DPP6: variants seen among roughly 807,000 people sequenced by gnomAD.
The protein encoded by DPP6 is dipeptidyl peptidase like 6.
In DPP6, 69 loss-of-function variants were observed where a neutral mutation model predicts 122.6. That is an observed-to-expected ratio of 0.56 (90% CI 0.46 to 0.69). DPP6 has a LOEUF of 0.69. Ranked by LOEUF, DPP6 falls within the 30% of genes least tolerant of loss-of-function variation. The probability of loss-of-function intolerance (pLI) is 0.00; values close to 1 mark genes in which losing one functional copy is unlikely to be tolerated. For missense variants in DPP6, 928 were observed against 1,116.9 expected (o/e 0.83, Z 2.41); for synonymous variants, 418 against 433.1 (o/e 0.97, Z 0.43).
chr7:154,831,985 T>C (rs1272251495), intron 16 of DPP6, among the ~76,000 whole-genome samples: 4 of 152,204 alleles, frequency 2.6e-5, no homozygotes, highest in Non-Finnish European at 4.4e-5. Context: ...AAATAATGTA[T>C]TATGAGACTT....
At chr7:154,239,416 C>G (rs1009465258) in intron 1 of DPP6, among the ~76,000 whole-genome samples, 1 of 152,264 alleles carries the variant, frequency 6.6e-6, no homozygotes. Flanking sequence ...TCTTCCTCCT[C>G]CTCATCCTAC....
chr7:154,223,404 G>A (rs1800416821), intron 1 of DPP6, among the ~76,000 whole-genome samples: 1 of 149,308 alleles, frequency 6.7e-6, no homozygotes. Context: ...ATGATACCCA[G>A]TCAGAGAGAG....
intron 1 of DPP6, among the ~76,000 whole-genome samples, chr7:154,260,758 A>C (rs1431412002): frequency 6.8e-6 from 1 of 148,068 alleles, no homozygotes. Flanking sequence ...TATATTATAT[A>C]TATTCTTGCA....
intron 1 of DPP6, among the ~76,000 whole-genome samples, chr7:153,962,570 C>T (rs529333495): frequency 3.9e-4 from 60 of 152,250 alleles, no homozygotes; most frequent in East Asian, 1.9e-4. Flanking sequence ...CAGCCCCTTA[C>T]GTGAGCTGGG....
At chr7:154,873,996 GCA>G (rs1293848941) in intron 19 of DPP6, among the ~76,000 whole-genome samples, 1 of 148,188 alleles carries the variant, frequency 6.7e-6, no homozygotes, top group East Asian at 2.1e-4. Context: ...ATACCCACAT[GCA>G]CACATACACA....
At chr7:154,810,911 T>C (rs28455101) in intron 16 of DPP6, among the ~76,000 whole-genome samples, 2,095 of 152,334 alleles carry the variant, frequency 0.014, 44 homozygotes, top group African/African-American at 0.048. Context: ...AATTTGAAGA[T>C]AGGAATAGAT....
intron 1 of DPP6, among the ~76,000 whole-genome samples, chr7:154,429,639 G>A (rs572672679): frequency 6.6e-6 from 1 of 152,314 alleles, no homozygotes; most frequent in Admixed American, 6.5e-5. Flanking sequence ...GTGTTATCAG[G>A]AAGATGTGTC....
At chr7:154,010,942 TAGTC>T (rs1585172069) in intron 1 of DPP6, among the ~76,000 whole-genome samples, 2 of 152,180 alleles carry the variant, frequency 1.3e-5, no homozygotes, top group Admixed American at 6.5e-5. Context: ...TGATCAAAAA[TAGTC>T]AGAAGTAGAA....
chr7:154,041,304 A>T (rs557767249), intron 1 of DPP6, among the ~76,000 whole-genome samples: 2 of 152,346 alleles, frequency 1.3e-5, no homozygotes, highest in Admixed American at 1.3e-4. Context: ...CCCCAGAGTT[A>T]TGGACAATAA....
At chr7:154,737,940 C>T (rs534888919) in intron 8 of DPP6, among the ~76,000 whole-genome samples, 6 of 152,326 alleles carry the variant, frequency 3.9e-5, no homozygotes, top group African/African-American at 1.4e-4. Context: ...CTTCAGGCAC[C>T]TTTCTCAAAG....
chr7:153,758,237 T>C, the DPP6 span, among the ~76,000 whole-genome samples: 1 of 152,202 alleles, frequency 6.6e-6, no homozygotes, highest in African/African-American at 2.4e-5. Context: ...CATAAAGTTA[T>C]AAATTATTGA....
intron 4 of DPP6, among the ~76,000 whole-genome samples, chr7:154,559,459 A>C (rs1830271788): frequency 6.6e-6 from 1 of 152,124 alleles, no homozygotes; most frequent in Non-Finnish European, 1.5e-5. Context: ...AAGATAAAAC[A>C]AACTTTTGAA....
chr7:154,101,541 G>A (rs1805723826), intron 1 of DPP6, among the ~76,000 whole-genome samples: 1 of 151,834 alleles, frequency 6.6e-6, no homozygotes. Flanking sequence ...GAAAAGGGGT[G>A]ATCAGCAATG....
the DPP6 span, among the ~76,000 whole-genome samples, chr7:153,874,066 C>T: frequency 3.9e-5 from 6 of 152,162 alleles, no homozygotes; most frequent in Admixed American, 2.6e-4. Flanking sequence ...AGAATATTTG[C>T]CTTCTTCCTA....
intron 7 of DPP6, among the ~76,000 whole-genome samples, chr7:154,722,931 T>A (rs904946451): frequency 1.3e-5 from 2 of 152,186 alleles, no homozygotes; most frequent in Admixed American, 1.3e-4. Flanking sequence ...CTTGATGCCT[T>A]CCATCTTCTT....
At chr7:154,423,952 T>C (rs1179763020) in intron 1 of DPP6, among the ~76,000 whole-genome samples, 1 of 152,208 alleles carries the variant, frequency 6.6e-6, no homozygotes, top group Admixed American at 6.5e-5. Context: ...ATAAAGAGCT[T>C]GTTTCACGGC....
At chr7:154,148,993 A>C (rs909787774) in intron 1 of DPP6, among the ~76,000 whole-genome samples, 7 of 152,164 alleles carry the variant, frequency 4.6e-5, no homozygotes, top group Non-Finnish European at 8.8e-5. Context: ...ATGGGGGTTT[A>C]GCTAGAAAGC....
chr7:153,791,546 C>T, the DPP6 span, among the ~76,000 whole-genome samples: 11 of 150,958 alleles, frequency 7.3e-5, no homozygotes, highest in Admixed American at 3.3e-4. Flanking sequence ...CTCAGCCTCC[C>T]GTATAGCTAG....
chr7:153,802,097 C>T, the DPP6 span, among the ~76,000 whole-genome samples: 1 of 152,162 alleles, frequency 6.6e-6, no homozygotes, highest in African/African-American at 2.4e-5. Context: ...TGAGCTGGAA[C>T]TCAGAAAGTT....
Sources: allele counts gnomAD v4.1 joint callset (sites outside exome capture counted in the v4.1 genomes callset), GRCh38; gene constraint gnomAD v4.1.1; transcripts MANE v1.5; gene names NCBI Gene and HGNC (gene_info 2026-07-23, HGNC 2026-07-21).